ACSF3: variants seen among roughly 807,000 people sequenced by gnomAD.
ACSF3 encodes the protein acyl-CoA synthetase family member 3.
A neutral mutation model predicts 53.2 loss-of-function variants in ACSF3; 78 were observed. The observed-to-expected ratio is 1.47, with a 90% CI of 1.22 to 1.77. The LOEUF (loss-of-function observed/expected upper bound fraction) is 1.77. Ranked by LOEUF, ACSF3 falls within the 40% of genes most tolerant of loss-of-function variation. The pLI, the probability that ACSF3 is intolerant of heterozygous loss-of-function variation, is 0.00. For missense variants in ACSF3, 937 were observed against 771.1 expected (o/e 1.22, Z -2.55); for synonymous variants, 414 against 333.1 (o/e 1.24, Z -2.65).
intron 7 of ACSF3, among the ~76,000 whole-genome samples, chr16:89,128,427 A>G (rs1408341940): frequency 1.3e-5 from 2 of 151,676 alleles, no homozygotes; most frequent in Admixed American, 1.3e-4. Flanking sequence ...CGCCCAGCTA[A>G]TTTTTTGTAT....
chr16:89,108,567 C>T lies in ACSF3; in HGVS notation c.823-3525C>T, dbSNP rs564102428. Reference sequence around the variant, plus strand: ...ATTTCCCCCCATTCCCAGCCCCTGGCAACCACGAATCTGCTTTCTGCCTCT... The same window carrying T: ...ATTTCCCCCCATTCCCAGCCCCTGGTAACCACGAATCTGCTTTCTGCCTCT... On this transcript the variant is annotated intron_variant, in intron 4 of 10. Transcript: ENST00000614302. Among the ~76,000 whole-genome samples, 100 of 152,304 alleles carry T rather than the reference C, an allele frequency of 6.6e-4. 1 individual carries two copies. In the South Asian group the frequency reaches 0.02, roughly 30 times the overall value.
At chr16:89,144,150 G>A (rs752750385) in intron 8 of ACSF3, among the ~76,000 whole-genome samples, 2 of 152,196 alleles carry the variant, frequency 1.3e-5, no homozygotes, top group Non-Finnish European at 2.9e-5. Context: ...AGACAGCTTC[G>A]GGCTGGGAGT....
intron 10 of ACSF3, among the ~76,000 whole-genome samples, chr16:89,146,955 A>G (rs1913076857): frequency 6.6e-6 from 1 of 152,134 alleles, no homozygotes; most frequent in Admixed American, 6.5e-5. Flanking sequence ...GGAAGCTTTT[A>G]GTTTCACCTA....
At chr16:89,110,011 C>T (rs539639755) in intron 4 of ACSF3, among the ~76,000 whole-genome samples, 21 of 152,228 alleles carry the variant, frequency 1.4e-4, no homozygotes, top group East Asian at 9.6e-4. Flanking sequence ...ATGTGTATTC[C>T]GGATACGAGT....
chr16:89,119,973 C>T (rs1320421264), intron 6 of ACSF3, among the ~76,000 whole-genome samples: 1 of 152,228 alleles, frequency 6.6e-6, no homozygotes, highest in Middle Eastern at 3.2e-3. Flanking sequence ...GCCTCACGCC[C>T]CGGGATAGAC....
intron 2 of ACSF3, among the ~76,000 whole-genome samples, chr16:89,098,983 T>G (rs544201715): frequency 2.6e-5 from 4 of 152,384 alleles, no homozygotes; most frequent in African/African-American, 7.2e-5. Flanking sequence ...CCTGGGACGC[T>G]GTCAGACCGA....
intron 8 of ACSF3, chr16:89,136,422 C>A: frequency 1.0e-6 from 1 of 971,842 alleles, no homozygotes; most frequent in Non-Finnish European, 1.3e-6. Context: ...ATGTCTTTGT[C>A]ACAGGCCATT....
intron 6 of ACSF3, among the ~76,000 whole-genome samples, chr16:89,119,507 G>A (rs145194876): frequency 1.4e-3 from 219 of 152,330 alleles, no homozygotes; most frequent in Non-Finnish European, 2.0e-3. Flanking sequence ...CCGCCGTGCC[G>A]CGCACTGAAA....
intron 5 of ACSF3, chr16:89,113,972 T>A (rs890781029): frequency 2.8e-6 from 1 of 359,776 alleles, no homozygotes; most frequent in Non-Finnish European, 5.5e-6. Context: ...CGTGATCAGC[T>A]CCGTGGTCGG....
In ACSF3 at chr16:89,145,412, G is replaced by A. The variant is rs770771724; in HGVS notation, c.1501+11G>A. The A allele has an allele frequency of 1.6e-5, 26 of 1,613,758 alleles. No individual in the cohort carries two copies. Among genetic ancestry groups the A allele is most frequent in the African/African-American group, 8.0e-5 (6 of 74,926 alleles). On this transcript the variant is annotated intron_variant, in intron 9 of 10. Coordinates refer to ENST00000614302, the MANE Select transcript of ACSF3 (RefSeq NM_001243279.3). The stretch of plus-strand genomic sequence containing the variant: ...ACCCCAGCATCACAGGTGCGTGGCC[G>A]GACTTGGGCCAGGGAGGCCAGGCTA...
chr16:89,114,421 C>A lies in ACSF3; in HGVS notation c.1060C>A (p.Arg354=), dbSNP rs761084443. ...CATCACGGGCCACACCCTGCTGGAGCGGTATGGCATGACCGAGATCGGCAT... is the reference window on the plus strand; with the variant it reads ...CATCACGGGCCACACCCTGCTGGAGAGGTATGGCATGACCGAGATCGGCAT... ...KNITGHTLLE[R]YGMTEIGMAL... is the part of the protein sequence containing the mutation. The change falls in exon 6 of 11, where the codon CGG becomes AGG. Residue 354 remains arginine, a synonymous_variant. Transcript: ENST00000614302. 1.2e-6 allele frequency: 2 copies of A among 1,613,782 alleles called. No individual in the cohort carries two copies. The highest frequency in any genetic ancestry group is 1.7e-6 in the Non-Finnish European group (2 of 1,180,038).
intron 8 of ACSF3, among the ~76,000 whole-genome samples, chr16:89,137,706 T>C (rs1241423232): frequency 6.6e-6 from 1 of 151,106 alleles, no homozygotes; most frequent in Non-Finnish European, 1.5e-5. Flanking sequence ...CAGGGAAGGA[T>C]GGGGAGAGGG....
At chr16:89,114,977 G>A (rs982559311) in intron 6 of ACSF3, 11 of 261,662 alleles carry the variant, frequency 4.2e-5, no homozygotes, top group Admixed American at 3.9e-4. Flanking sequence ...TCCTGATACC[G>A]GGCCCCTCTT....
At chr16:89,130,493 T>G (rs185884231) in intron 7 of ACSF3, among the ~76,000 whole-genome samples, 1 of 152,246 alleles carries the variant, frequency 6.6e-6, no homozygotes, top group Non-Finnish European at 1.5e-5. Context: ...AGGATTGTTT[T>G]AACCTGGGAG....
At chr16:89,140,402 C>A (rs1290996741) in intron 8 of ACSF3, among the ~76,000 whole-genome samples, 1 of 152,252 alleles carries the variant, frequency 6.6e-6, no homozygotes, top group Non-Finnish European at 1.5e-5. Flanking sequence ...GGCTTGGAGG[C>A]TGAGAACTTG....
At chr16:89,108,325 T>C (rs1976262183) in intron 4 of ACSF3, among the ~76,000 whole-genome samples, 1 of 152,176 alleles carries the variant, frequency 6.6e-6, no homozygotes, top group South Asian at 2.1e-4. Context: ...GCACTGTGCT[T>C]CCCCCAACTT....
intron 10 of ACSF3, chr16:89,150,730 C>T (rs1950800730): frequency 8.8e-6 from 3 of 342,336 alleles, no homozygotes; most frequent in African/African-American, 4.3e-5. Context: ...CCCAGGACTC[C>T]GCCAGTCCTG....
In ACSF3 at chr16:89,100,665, G is replaced by A. The variant is rs1316020082; in HGVS notation, c.-17G>A. The stretch of plus-strand genomic sequence containing the variant: ...CCTGTGCCTTGCCTTTCTCCAGCTC[G>A]GCCGCCTGTCAGTGCAATGCTGCCC... On this transcript the variant is annotated 5_prime_UTR_variant, in exon 3 of 11. Coordinates refer to ENST00000614302, the MANE Select transcript of ACSF3 (RefSeq NM_001243279.3). 1 of 1,575,674 alleles carries A rather than the reference G, an allele frequency of 6.3e-7. No individual in the cohort carries two copies. Among genetic ancestry groups the A allele is most frequent in the Non-Finnish European group, 8.6e-7 (1 of 1,168,796 alleles).
At chr16:89,099,376 C>G (rs2151398498) in intron 2 of ACSF3, among the ~76,000 whole-genome samples, 1 of 152,358 alleles carries the variant, frequency 6.6e-6, no homozygotes, top group South Asian at 2.1e-4. Context: ...CCAGGGAGCC[C>G]TCGCTTCCTG....
Sources: gnomAD v4.1 joint callset for allele counts (sites outside exome capture counted in the v4.1 genomes callset) on GRCh38, gnomAD v4.1.1 for gene constraint, MANE v1.5 for transcripts, NCBI Gene and HGNC (gene_info 2026-07-23, HGNC 2026-07-21) for gene names.